ZRANB1: variants seen among roughly 807,000 people sequenced by gnomAD.
ZRANB1 encodes the protein zinc finger RANBP2-type containing 1, also known as ubiquitin thioesterase ZRANB1.
A neutral mutation model predicts 80.5 loss-of-function variants in ZRANB1; 16 were observed. The ratio of observed to expected loss-of-function variants is 0.20; its 90% CI spans 0.13 to 0.30. The LOEUF is 0.30. Ranked by LOEUF, ZRANB1 falls within the 10% of genes least tolerant of loss-of-function variation. The pLI, the probability that ZRANB1 is intolerant of heterozygous loss-of-function variation, is 1.00. For missense variants in ZRANB1, 576 were observed against 862.6 expected, an observed-to-expected ratio of 0.67 and a Z score of 4.16; for synonymous variants, 291 against 293.1, an observed-to-expected ratio of 0.99 and a Z score of 0.07.
chr10:124,984,562 C>T, intron 8 of ZRANB1: 1 of 530,842 alleles, frequency 1.9e-6, no homozygotes, highest in African/African-American at 1.9e-5. Flanking sequence ...TAGTTTTTTT[C>T]TGAGAAATTT....
At chr10:124,967,890 GT>G (rs147173797) in intron 2 of ZRANB1, among the ~76,000 whole-genome samples, 41 of 149,296 alleles carry the variant, frequency 2.7e-4, no homozygotes, top group South Asian at 1.1e-3. Flanking sequence ...CATTATCCAG[GT>G]TTTTTTTTTC....
intron 3 of ZRANB1, among the ~76,000 whole-genome samples, chr10:124,972,716 A>G (rs1417894122): frequency 2.0e-5 from 3 of 151,976 alleles, no homozygotes; most frequent in Non-Finnish European, 4.4e-5. Flanking sequence ...AAATACACCA[A>G]ACACCAAACG....
Position 124,983,175 on chromosome 10 carries a change from C to G in ZRANB1, c.1549C>G (p.Pro517Ala). Residue 517 changes from proline (P) to alanine (A), a missense_variant and splice_region_variant, in exon 7 of 9, where the codon CCT becomes GCT. By Grantham distance (27) the Pro-to-Ala change is conservative. Around this residue, in one of 3 missense-constraint regions of ZRANB1, gnomAD observed 13 missense variants for 57.6 expected, o/e 0.23. Transcript: ENST00000359653. This position sits in a 1 kb window ranked among gnomAD's most constrained non-coding sequence, Gnocchi z 6.2. ...TAAGTTTTTGTTTTGTTTCGTACAG[C>G]CTGGAGCAAGCTTGGAGCAGACGCA... ...WAFILSLASQ[P>A]GASLEQTHIF... 6.2e-7 allele frequency: 1 copy of G among 1,612,188 alleles called. No homozygotes were observed. Among genetic ancestry groups the G allele is most frequent in the Non-Finnish European group, 8.5e-7 (1 of 1,179,280 alleles).
chr10:124,935,879 G>C, the ZRANB1 span, among the ~76,000 whole-genome samples: 1 of 152,208 alleles, frequency 6.6e-6, no homozygotes, highest in Non-Finnish European at 1.5e-5. Flanking sequence ...GGAAATAGAA[G>C]GATGTGAGTG....
At chr10:124,938,811 A>T (rs536599562), upstream of ZRANB1, among the ~76,000 whole-genome samples, 1 of 151,602 alleles carries the variant, frequency 6.6e-6, no homozygotes, top group South Asian at 2.1e-4. Context: ...TACTCAAATG[A>T]TACTCCTTCC....
At chr10:124,969,461 T>G (rs1049488895) in intron 2 of ZRANB1, among the ~76,000 whole-genome samples, 7 of 152,158 alleles carry the variant, frequency 4.6e-5, no homozygotes, top group African/African-American at 1.7e-4. Context: ...CAGAGAATGC[T>G]CAGCCAAGTT....
chr10:124,937,774 G>T (rs1007995324), upstream of ZRANB1, among the ~76,000 whole-genome samples: 7 of 152,182 alleles, frequency 4.6e-5, no homozygotes, highest in Non-Finnish European at 7.3e-5. Context: ...TGTCAATTTA[G>T]TAGTAGTAAA....
In ZRANB1 at chr10:124,983,080, G is replaced by C; in HGVS notation, c.1549-95G>C. On this transcript the variant is annotated intron_variant, in intron 6 of 8. Transcript: ENST00000359653. This position sits in a 1 kb window ranked among gnomAD's most constrained non-coding sequence, Gnocchi z 6.2. Reference sequence around the variant, plus strand: ...CTTTTCTTTCTTAAAAACCAACTGCGATAGTATACTGAAGGGGAGGTAGTA... The same window carrying C: ...CTTTTCTTTCTTAAAAACCAACTGCCATAGTATACTGAAGGGGAGGTAGTA... 1.6e-6 allele frequency: 2 copies of C among 1,289,980 alleles called. No individual in the cohort carries two copies. Among genetic ancestry groups the C allele is most frequent in the Non-Finnish European group, 2.1e-6 (2 of 953,738 alleles). 79.9% of individuals were successfully genotyped at this position (1,289,980 alleles called of 1,614,324 possible).
chr10:124,984,549 C>T, intron 8 of ZRANB1: 1 of 529,884 alleles, frequency 1.9e-6, no homozygotes, highest in African/African-American at 1.9e-5. Flanking sequence ...GTGTGCTCCT[C>T]TTTAGTTTTT....
chr10:124,935,296 T>A, the ZRANB1 span, among the ~76,000 whole-genome samples: 1 of 152,240 alleles, frequency 6.6e-6, no homozygotes, highest in East Asian at 1.9e-4. Context: ...CAGTTTATAA[T>A]CTGGTCAAGG....
In ZRANB1 at chr10:124,984,764, C is replaced by A. The variant is rs113437172; in HGVS notation, c.1909-10C>A. 4,615 of 1,611,060 alleles carry A rather than the reference C, an allele frequency of 2.9e-3. 116 individuals are homozygous for A. The African/African-American group carries it at 0.053, about 19-fold the overall frequency. ...ATGATTTTCCCTTTGTCTTCATATTCCTCCAAAAGCTAGGTAATGAGGAAC... is the reference window on the plus strand; with the variant it reads ...ATGATTTTCCCTTTGTCTTCATATTACTCCAAAAGCTAGGTAATGAGGAAC... On this transcript the variant is annotated splice_polypyrimidine_tract_variant and intron_variant, in intron 8 of 8. Transcript: ENST00000359653.
At chr10:124,952,672 G>C (rs546856200) in intron 1 of ZRANB1, among the ~76,000 whole-genome samples, 1 of 151,872 alleles carries the variant, frequency 6.6e-6, no homozygotes, top group Non-Finnish European at 1.5e-5. Context: ...GTGTAATGGC[G>C]TGGTCTTGGC....
chr10:124,985,873 A>G lies in ZRANB1; in HGVS notation c.*881A>G, dbSNP rs974787963. 2.6e-5 allele frequency: 4 copies of G among 151,290 alleles called. No homozygotes were observed. Among genetic ancestry groups the G allele is most frequent in the Non-Finnish European group, 5.9e-5 (4 of 67,574 alleles). 9.4% of individuals were successfully genotyped at this position (151,290 alleles called of 1,614,324 possible). A position where few individuals can be genotyped will look rare whatever the true frequency, so the allele number is the denominator to read the frequency against. On this transcript the variant is annotated 3_prime_UTR_variant, in exon 9 of 9. Coordinates refer to ENST00000359653, the MANE Select transcript of ZRANB1 (RefSeq NM_017580.3). ...AACAATGTGCTGCTCCCAGATTGCC[A>G]TGCCAGAGGGTCTTCGGATTCTTCC...
Position 124,987,355 on chromosome 10 carries a change from G to T in ZRANB1, c.*2363G>T, listed in dbSNP as rs1952077718. ...TTGTTTTGACTTGTTCTTCCTTGGG[G>T]TCAAATTTATATATATATATATAAA... On this transcript the variant is annotated 3_prime_UTR_variant, in exon 9 of 9. Coordinates refer to ENST00000359653, the MANE Select transcript of ZRANB1 (RefSeq NM_017580.3). The T allele has an allele frequency of 6.8e-6, 1 of 147,020 alleles. No individual in the cohort carries two copies. The highest frequency in any genetic ancestry group is 2.0e-4 in the East Asian group (1 of 4,978). The allele number at this position is 147,020 out of a possible 1,614,324, so 9.1% of individuals were successfully genotyped here.
chr10:124,972,132 C>G lies in ZRANB1; in HGVS notation c.1156+14C>G. 1 of 1,604,642 alleles carries G rather than the reference C, an allele frequency of 6.2e-7. No individual in the cohort carries two copies. Among genetic ancestry groups the G allele is most frequent in the Non-Finnish European group, 8.5e-7 (1 of 1,177,116 alleles). On this transcript the variant is annotated intron_variant, in intron 3 of 8. Coordinates refer to ENST00000359653, the MANE Select transcript of ZRANB1 (RefSeq NM_017580.3). ...CATTGCCAGCAGGTAACTCCAAAAT[C>G]TAACGTAAAAAGACTTTTTTATTTT... is the stretch of plus-strand genomic sequence containing the variant.
the ZRANB1 span, among the ~76,000 whole-genome samples, chr10:124,936,147 G>A: frequency 2.6e-5 from 4 of 152,156 alleles, no homozygotes; most frequent in African/African-American, 4.8e-5. Flanking sequence ...TGAGTCGGGC[G>A]TGTGTGGCAT....
chr10:124,973,512 A>G (rs1487002205), intron 3 of ZRANB1, 133 bp from the exon 4 acceptor site: 2 of 742,648 alleles, frequency 2.7e-6, no homozygotes, highest in Non-Finnish European at 4.4e-6. Context: ...AGAAAAAGCT[A>G]TCTGATAACC....
At chr10:124,957,411 G>A (rs368542486) in intron 1 of ZRANB1, among the ~76,000 whole-genome samples, 3 of 151,956 alleles carry the variant, frequency 2.0e-5, no homozygotes, top group East Asian at 3.9e-4. Flanking sequence ...TAAAATATAC[G>A]TAAGATAAAA....
chr10:124,938,793 A>G (rs1951510278), upstream of ZRANB1, among the ~76,000 whole-genome samples: 1 of 150,956 alleles, frequency 6.6e-6, no homozygotes, highest in African/African-American at 2.4e-5. Flanking sequence ...TGTAGTCTTG[A>G]ACTCCTGTAC....
Sources: allele counts gnomAD v4.1 joint callset (sites outside exome capture counted in the v4.1 genomes callset), GRCh38; gene constraint gnomAD v4.1.1; regional missense constraint gnomAD v4.1.1; non-coding constraint Gnocchi (gnomAD v3.1); transcripts MANE v1.5; gene names NCBI Gene and HGNC (gene_info 2026-07-23, HGNC 2026-07-21).